The following CHST11 variants were observed in gnomAD, a reference collection of about 807,000 sequenced individuals.
CHST11 encodes carbohydrate sulfotransferase 11.
CHST11 carries 9 observed loss-of-function variants against 30.4 expected under a neutral mutation model. The observed-to-expected ratio is 0.30, with a 90% confidence interval of 0.18 to 0.52. The LOEUF (loss-of-function observed/expected upper bound fraction) is 0.52. CHST11 is among the 20% of genes least tolerant of loss of function. The pLI, the probability that CHST11 is intolerant of heterozygous loss-of-function variation, is 0.97. For missense variants in CHST11, 348 were observed against 460.6 expected, an observed-to-expected ratio of 0.76 and a Z score of 2.24; for synonymous variants, 152 against 187.8, an observed-to-expected ratio of 0.81 and a Z score of 1.56.
intron 2 of CHST11, among the ~76,000 whole-genome samples, chr12:104,696,504 A>AAC (rs2039948345): frequency 6.7e-6 from 1 of 149,722 alleles, no homozygotes; most frequent in Non-Finnish European, 1.5e-5. Flanking sequence ...AAAAAAAAAA[A>AAC]AAACATAGCT....
intron 1 of CHST11, among the ~76,000 whole-genome samples, chr12:104,475,688 A>ATATATATATATATATATATTTATT (rs1555226434): frequency 7.9e-4 from 62 of 78,424 alleles, no homozygotes; most frequent in Non-Finnish European, 1.4e-3. Flanking sequence ...ATATATATAT[A>ATATATATATATATATATATTTATT]TATTTCTGAT....
intron 2 of CHST11, among the ~76,000 whole-genome samples, chr12:104,606,735 G>A (rs927545991): frequency 2.6e-5 from 4 of 152,270 alleles, no homozygotes; most frequent in Middle Eastern, 3.4e-3. Flanking sequence ...CAAAAGCAGG[G>A]GCCAGGACTT....
At chr12:104,634,437 C>T (rs1259467016) in intron 2 of CHST11, among the ~76,000 whole-genome samples, 1 of 152,200 alleles carries the variant, frequency 6.6e-6, no homozygotes, top group Non-Finnish European at 1.5e-5. Context: ...CGAGCTGGCT[C>T]CACCACAGGG....
At chr12:104,645,839 A>G (rs1473186475) in intron 2 of CHST11, among the ~76,000 whole-genome samples, 1 of 152,260 alleles carries the variant, frequency 6.6e-6, no homozygotes, top group East Asian at 1.9e-4. Context: ...CCTAAAGGGT[A>G]TCCATCTACC....
intron 1 of CHST11, among the ~76,000 whole-genome samples, chr12:104,484,207 G>A (rs980380277): frequency 6.6e-6 from 1 of 152,198 alleles, no homozygotes; most frequent in Non-Finnish European, 1.5e-5. Flanking sequence ...CATTGCCAAG[G>A]AGGGAAAGAC....
At chr12:104,569,340 A>AT (rs2038600462) in intron 1 of CHST11, among the ~76,000 whole-genome samples, 1 of 152,242 alleles carries the variant, frequency 6.6e-6, no homozygotes. Flanking sequence ...TATATTCTGA[A>AT]TAAAAAAATG....
intron 1 of CHST11, among the ~76,000 whole-genome samples, chr12:104,489,593 C>G (rs2037724972): frequency 6.6e-6 from 1 of 152,152 alleles, no homozygotes. Context: ...ATTCTTCTGC[C>G]TCAGCCTCCT....
At chr12:104,544,388 G>A (rs2038321999) in intron 1 of CHST11, among the ~76,000 whole-genome samples, 1 of 151,982 alleles carries the variant, frequency 6.6e-6, no homozygotes, top group Non-Finnish European at 1.5e-5. Flanking sequence ...GGAGAGAGGA[G>A]GATAAGGGAG....
chr12:104,647,798 G>C (rs1303479936), intron 2 of CHST11, among the ~76,000 whole-genome samples: 1 of 152,172 alleles, frequency 6.6e-6, no homozygotes, highest in Non-Finnish European at 1.5e-5. Context: ...TGTGGTTTGG[G>C]CTGTAGTCAG....
intron 1 of CHST11, among the ~76,000 whole-genome samples, chr12:104,540,152 T>A (rs1260672784): frequency 1.3e-5 from 2 of 152,204 alleles, no homozygotes; most frequent in African/African-American, 4.8e-5. Context: ...CTTTATGGAA[T>A]TTTTTTCTGA....
intron 1 of CHST11, among the ~76,000 whole-genome samples, chr12:104,489,178 A>T (rs545213375): frequency 3.7e-4 from 57 of 152,012 alleles, no homozygotes; most frequent in Middle Eastern, 3.2e-3. Flanking sequence ...CTGGGATTAC[A>T]GGCGTCCGCC....
intron 1 of CHST11, among the ~76,000 whole-genome samples, chr12:104,499,856 C>T (rs147594400): frequency 1.1e-4 from 17 of 152,284 alleles, no homozygotes; most frequent in African/African-American, 2.9e-4. Flanking sequence ...CCCACAGGTT[C>T]TGGGGACATT....
At chr12:104,681,782 C>G (rs917127166) in intron 2 of CHST11, among the ~76,000 whole-genome samples, 11 of 146,880 alleles carry the variant, frequency 7.5e-5, no homozygotes, top group African/African-American at 2.8e-4. Context: ...TCTGATAGGT[C>G]TAGAAACACT....
At chr12:104,517,363 T>A (rs1619845) in intron 1 of CHST11, among the ~76,000 whole-genome samples, 29,336 of 152,124 alleles carry the variant, frequency 0.19, 2,988 homozygotes, top group East Asian at 0.34. Context: ...GTTGACAGCC[T>A]CATTTTATGG....
chr12:104,635,472 G>C (rs946097544), intron 2 of CHST11, among the ~76,000 whole-genome samples: 2 of 150,740 alleles, frequency 1.3e-5, no homozygotes, highest in African/African-American at 2.5e-5. Flanking sequence ...CTCATCACAG[G>C]GGGGTTGGAA....
intron 1 of CHST11, among the ~76,000 whole-genome samples, chr12:104,513,123 T>TGGGGCGGG (rs1555229065): frequency 5.9e-4 from 2 of 3,388 alleles, no homozygotes; most frequent in African/African-American, 1.5e-3. Context: ...ATGTCATGAC[T>TGGGGCGGG]GGGGGGGGGG....
At chr12:104,631,077 G>A (rs905805348) in intron 2 of CHST11, among the ~76,000 whole-genome samples, 1 of 152,198 alleles carries the variant, frequency 6.6e-6, no homozygotes, top group Non-Finnish European at 1.5e-5. Flanking sequence ...CTGGAGAGGA[G>A]AGTGTTCAGA....
chr12:104,531,115 CA>C (rs1433695829), intron 1 of CHST11, among the ~76,000 whole-genome samples: 2 of 152,116 alleles, frequency 1.3e-5, no homozygotes, highest in Non-Finnish European at 2.9e-5. Flanking sequence ...CAGAAAGTGA[CA>C]TTTTTTTTCT....
At chr12:104,713,353 A>C (rs1380032326) in intron 2 of CHST11, among the ~76,000 whole-genome samples, 1 of 152,038 alleles carries the variant, frequency 6.6e-6, no homozygotes, top group Non-Finnish European at 1.5e-5. Flanking sequence ...TATTTGTGAG[A>C]TGGAGCCCTC....
Sources: allele counts gnomAD v4.1 joint callset (sites outside exome capture counted in the v4.1 genomes callset), GRCh38; gene constraint gnomAD v4.1.1; transcripts MANE v1.5; gene names NCBI Gene and HGNC (gene_info 2026-07-23, HGNC 2026-07-21).